The following LMF2 variants were observed in gnomAD, a reference collection of about 807,000 sequenced individuals.
The protein encoded by LMF2 is transmembrane protein 112B.
A neutral mutation model predicts 81.5 loss-of-function variants in LMF2; 113 were observed. The observed-to-expected ratio is 1.39, with a 90% CI of 1.19 to 1.62. The LOEUF (loss-of-function observed/expected upper bound fraction) is 1.62, where lower values mean the gene tolerates loss of function less well. LMF2 is among the 40% of genes most tolerant of loss of function. The pLI is 0.00. For synonymous variants in LMF2, 645 were observed against 424.5 expected (o/e 1.52, Z -6.39); for missense variants, 1,235 against 929.1 (o/e 1.33, Z -4.28).
chr22:50,503,512 G>A lies in LMF2; in HGVS notation c.2003C>T (p.Pro668Leu), dbSNP rs756891492. Residue 668 changes from proline to leucine, a missense_variant, in exon 14 of 14, where the codon CCA becomes CTA. By Grantham distance (98) the Pro-to-Leu change is moderately conservative. Coordinates refer to ENST00000474879, the MANE Select transcript of LMF2 (RefSeq NM_033200.3). ...PCSLRSSPLA[P>L]VSGEKRRPAS... ...TGGCCTGCGCTTCTCCCCGCTGACT[G>A]GTGCCAGCGGGGAGGACCGGAGAGA... 4.4e-6 allele frequency: 7 copies of A among 1,577,870 alleles called. No individual in the cohort carries two copies. The highest frequency in any genetic ancestry group is 6.0e-6 in the Non-Finnish European group (7 of 1,165,990).
chr22:50,506,572 G>A, intron 3 of LMF2, 66 bp downstream of exon 3: 1 of 1,591,476 alleles, frequency 6.3e-7, no homozygotes, highest in Non-Finnish European at 8.6e-7. Context: ...GTCCTCCCAG[G>A]AAGGGCAGAG....
rs371447158 is a variant in LMF2, at chr22:50,506,173, G to A, written c.636C>T (p.Pro212=). 67 of 1,564,078 alleles carry A rather than the reference G, an allele frequency of 4.3e-5. No homozygotes were observed. Among genetic ancestry groups the A allele is most frequent in the African/African-American group, 3.9e-4 (29 of 73,952 alleles). ...YHYETQCLPT[P]AAWFAHHLPV... is the part of the protein sequence containing the mutation. ...GCAGGTGGTGTGCGAACCAGGCGGC[G>A]GGCGTGGGCAGGCACTGGGTCTCGT... Residue 212 remains proline, a synonymous_variant, in exon 5 of 14, where the codon CCC becomes CCT. Coordinates refer to ENST00000474879, the MANE Select transcript of LMF2 (RefSeq NM_033200.3).
At position 50,504,453 on chromosome 22, in the gene LMF2, T is replaced by C; in HGVS notation, c.1607-2A>G. 1 of 1,610,742 alleles carries C rather than the reference T, an allele frequency of 6.2e-7. No individual in the cohort carries two copies. The highest frequency in any genetic ancestry group is 2.2e-5 in the East Asian group (1 of 44,772). On this transcript the variant is annotated splice_acceptor_variant, in intron 11 of 13. Coordinates refer to ENST00000474879, the MANE Select transcript of LMF2 (RefSeq NM_033200.3). LOFTEE classifies it high-confidence loss of function. The stretch of plus-strand genomic sequence containing the variant: ...CTTGGCTCTGGACAAGGCGGATCAC[T>C]GCAGCGAGAGGCATCAGCGTGGCCC...
intron 1 of LMF2, 68 bp downstream of exon 1, chr22:50,507,514 G>T: frequency 8.2e-7 from 1 of 1,220,464 alleles, no homozygotes; most frequent in South Asian, 1.3e-5. Flanking sequence ...GTGAGTGCCG[G>T]GCACAGAGAA....
In LMF2 at chr22:50,504,887, G is replaced by A. The variant is rs1247733978; in HGVS notation, c.1352C>T (p.Ser451Phe). ...AGTCATGCGGCGGAAGAGGCCGTAGGAGTTGGCCAGCTGTAGGTGCTCCAC... is the reference window on the plus strand; with the variant it reads ...AGTCATGCGGCGGAAGAGGCCGTAGAAGTTGGCCAGCTGTAGGTGCTCCAC... ...GAVEHLQLAN[S>F]YGLFRRMTGL... The change falls in exon 10 of 14, where the codon TCC becomes TTC. Residue 451 changes from serine to phenylalanine, a missense_variant. Transcript: ENST00000474879. The A allele has an allele frequency of 6.2e-7, 1 of 1,610,406 alleles. No homozygotes were observed. The highest frequency in any genetic ancestry group is 1.3e-5 in the African/African-American group (1 of 74,836).
rs759966754 is a variant in LMF2, at chr22:50,504,955, G to T, written c.1284C>A (p.Thr428=). The change falls in exon 10 of 14, where the codon ACC becomes ACA. Residue 428 remains threonine (T), a synonymous_variant. Transcript: ENST00000474879. ...LVPYSYVEPG[T]HGRLWTGAHR... is the part of the protein sequence containing the mutation. ...GGGCCCCGGTCCAGAGGCGCCCGTG[G>T]GTCCCGGGCTCCACGTAGGAGTACG... 6.2e-7 allele frequency: 1 copy of T among 1,607,694 alleles called. No individual in the cohort carries two copies. The highest frequency in any genetic ancestry group is 8.5e-7 in the Non-Finnish European group (1 of 1,176,338).
chr22:50,503,977 A>AC (rs1723407307), intron 12 of LMF2, 73 bp from the exon 13 acceptor site: 4 of 1,352,852 alleles, frequency 3.0e-6, no homozygotes, highest in Non-Finnish European at 4.1e-6. Context: ...GCCCAGCCTT[A>AC]CCCCTGCTCC....
At position 50,506,426 on chromosome 22, in the gene LMF2, C is replaced by T; in HGVS notation, c.454G>A (p.Ala152Thr). 3.9e-6 allele frequency: 6 copies of T among 1,550,276 alleles called. No homozygotes were observed. The highest frequency in any genetic ancestry group is 5.2e-6 in the Non-Finnish European group (6 of 1,147,972). ...GCCCCTGCCTGCCTGCCCTGGGGGG[C>T]CTCCTTGCGGTGGGAGGCTGGCCTC... is the stretch of plus-strand genomic sequence containing the variant. ...PLRPASHRKE[A>T]PQGRQAGALP... Residue 152 changes from alanine to threonine, a missense_variant, in exon 4 of 14, where the codon GCC becomes ACC. Transcript: ENST00000474879.
chr22:50,503,900 A>G lies in LMF2; in HGVS notation c.1723T>C (p.Trp575Arg). The G allele has an allele frequency of 6.2e-7, 1 of 1,604,640 alleles. No individual in the cohort carries two copies. Among genetic ancestry groups the G allele is most frequent in the Non-Finnish European group, 8.5e-7 (1 of 1,179,266 alleles). ...TCCTCCACCCACTGGCGCCGCCACC[A>G]CTGGCTGCAGCAGGACCCGATGTTC... Reference protein sequence around the residue: ...WFSQPGEQGQWWRRQWVEEFF... With the variant: ...WFSQPGEQGQRWRRQWVEEFF... The change falls in exon 13 of 14, where the codon TGG (tryptophan) becomes CGG (arginine). Residue 575 changes from tryptophan (W) to arginine (R), a missense_variant. Transcript: ENST00000474879.
chr22:50,504,629 G>A lies in LMF2; in HGVS notation c.1536C>T (p.Ala512=), dbSNP rs371155256. 1.1e-5 allele frequency: 17 copies of A among 1,607,972 alleles called. No individual in the cohort carries two copies. Among genetic ancestry groups the A allele is most frequent in the Non-Finnish European group, 1.4e-5 (16 of 1,179,338 alleles). Residue 512 remains alanine (A), a synonymous_variant, in exon 11 of 14, where the codon GCC becomes GCT. Transcript: ENST00000474879. ...ACGGGCTGTGCGTGTGTGGGCCCAGGGCTGCAAACCACATCTGCCAGTCCA... is the reference window on the plus strand; with the variant it reads ...ACGGGCTGTGCGTGTGTGGGCCCAGAGCTGCAAACCACATCTGCCAGTCCA... ...PRLDWQMWFA[A]LGPHTHSPWF...
Position 50,506,938 on chromosome 22 carries a change from C to T in LMF2, c.192G>A (p.Leu64=). 6.3e-7 allele frequency: 1 copy of T among 1,580,480 alleles called. No individual in the cohort carries two copies. Among genetic ancestry groups the T allele is most frequent in the Non-Finnish European group, 8.6e-7 (1 of 1,167,062 alleles). The change falls in exon 2 of 14, where the codon CTG becomes CTA. Residue 64 remains leucine (L), a synonymous_variant. Coordinates refer to ENST00000474879, the MANE Select transcript of LMF2 (RefSeq NM_033200.3). ...WQQLWETPTL[L]WEAPRLGLDT... ...CCAGCCCCAGTCTCGGCGCTTCCCA[C>T]AGCAGCGTCGGGGTCTCCCACAGCT...
In LMF2 at chr22:50,503,281, C is replaced by T; in HGVS notation, c.*110G>A. On this transcript the variant is annotated 3_prime_UTR_variant, in exon 14 of 14. Coordinates refer to ENST00000474879, the MANE Select transcript of LMF2 (RefSeq NM_033200.3). ...CCCAGGGGCAGCCCCCCAACCTGTG[C>T]CTGGCCCTGCAGGGTCAGCTAAGGC... The T allele has an allele frequency of 2.5e-6, 3 of 1,203,962 alleles. No individual in the cohort carries two copies. The highest frequency in any genetic ancestry group is 1.4e-5 in the South Asian group (1 of 71,498). The allele number at this position is 1,203,962 out of a possible 1,614,324, so 74.6% of individuals were successfully genotyped here. A position where few individuals can be genotyped will look rare whatever the true frequency, so the allele number is the denominator to read the frequency against.
chr22:50,505,297 T>C lies in LMF2; in HGVS notation c.1089A>G (p.Thr363=). The C allele has an allele frequency of 6.2e-7, 1 of 1,613,254 alleles. No individual in the cohort carries two copies. The highest frequency in any genetic ancestry group is 8.5e-7 in the Non-Finnish European group (1 of 1,180,004). ...TFHQFSQWLK[T]LTLPTVWLGV... ...CCAGCCACACAGTGGGCAGCGTCAGTGTCTTCAGCCACTGAGAAAACTGGT... is the reference window on the plus strand; with the variant it reads ...CCAGCCACACAGTGGGCAGCGTCAGCGTCTTCAGCCACTGAGAAAACTGGT... The change falls in exon 8 of 14, where the codon ACA becomes ACG. Residue 363 remains threonine (T), a synonymous_variant. Transcript: ENST00000474879.
rs375568973 is a variant in LMF2 at position 50,504,849 on chromosome 22, G to A, written c.1390C>T (p.Arg464Trp). The change falls in exon 10 of 14, where the codon CGG becomes TGG. Residue 464 changes from arginine to tryptophan, a missense_variant. Coordinates refer to ENST00000474879, the MANE Select transcript of LMF2 (RefSeq NM_033200.3). ...CTGCCCTCCAGCACCACCTCAGGCC[G>A]TCCACCAAGCCCAGTCATGCGGCGG... ...LFRRMTGLGG[R>W]PEVVLEGSYD... 48 of 1,610,760 alleles carry A rather than the reference G, an allele frequency of 3.0e-5. No individual in the cohort carries two copies. The highest frequency in any genetic ancestry group is 3.6e-5 in the Non-Finnish European group (42 of 1,178,748).
rs982013300 is a variant in LMF2, at chr22:50,506,218, A to C, written c.596-5T>G. 1 of 1,552,326 alleles carries C rather than the reference A, an allele frequency of 6.4e-7. No homozygotes were observed. Among genetic ancestry groups the C allele is most frequent in the Non-Finnish European group, 8.7e-7 (1 of 1,147,984 alleles). On this transcript the variant is annotated splice_region_variant and splice_polypyrimidine_tract_variant and intron_variant, in intron 4 of 13. Transcript: ENST00000474879. ...TCTCGTAGTGGTAGGTGAGGGCTGC[A>C]GGCGAGGGCAGGAGTCAGGGCTGGC...
At position 50,507,036 on chromosome 22, in the gene LMF2, C is replaced by T. The variant is rs1248025078; in HGVS notation, c.95-1G>A. 11 of 1,588,982 alleles carry T rather than the reference C, an allele frequency of 6.9e-6. No homozygotes were observed. The highest frequency in any genetic ancestry group is 1.3e-5 in the African/African-American group (1 of 74,636). ...AGGATGCCCTCGGGGCCATACAGGCCTGTGGGAGGGCATGTCATGGCCAGG... is the reference window on the plus strand; with the variant it reads ...AGGATGCCCTCGGGGCCATACAGGCTTGTGGGAGGGCATGTCATGGCCAGG... On this transcript the variant is annotated splice_acceptor_variant, in intron 1 of 13. Transcript: ENST00000474879. LOFTEE classifies it high-confidence loss of function.
At chr22:50,503,784 C>A in intron 13 of LMF2, 24 bp downstream of exon 13, 1 of 1,600,736 alleles carries the variant, frequency 6.2e-7, no homozygotes, top group Non-Finnish European at 8.5e-7. Context: ...GCCACCTCCC[C>A]CAGCCTGGCT....
Position 50,504,587 on chromosome 22 carries a change from G to C in LMF2, c.1578C>G (p.Val526=), listed in dbSNP as rs768180629. The C allele has an allele frequency of 6.3e-7, 1 of 1,591,484 alleles. No individual in the cohort carries two copies. The highest frequency in any genetic ancestry group is 8.5e-7 in the Non-Finnish European group (1 of 1,170,916). The change falls in exon 11 of 14, where the codon GTC becomes GTG. Residue 526 remains valine (V), a synonymous_variant. Coordinates refer to ENST00000474879, the MANE Select transcript of LMF2 (RefSeq NM_033200.3). ...GCTCCTTGCCCTGCAGCAGGCGCAA[G>C]ACCAGGCTTGTGAACCACGGGCTGT... ...HTHSPWFTSL[V]LRLLQGKEPV...
At chr22:50,506,703 T>C (rs2068586503) in intron 2 of LMF2, 37 bp from the exon 3 acceptor site, 2 of 1,613,570 alleles carry the variant, frequency 1.2e-6, no homozygotes, top group East Asian at 4.5e-5. Flanking sequence ...CGGGTGTGTC[T>C]GTGGACTCAG....
Sources: gnomAD v4.1 joint callset for allele counts on GRCh38, gnomAD v4.1.1 for gene constraint, MANE v1.5 for transcripts, NCBI Gene and HGNC (gene_info 2026-07-23, HGNC 2026-07-21) for gene names.